Variants in LRP1B observed in about 807,000 individuals in gnomAD.
LRP1B encodes LDL receptor related protein 1B, also known as low-density lipoprotein receptor-related protein 1B.
In LRP1B, 217 loss-of-function variants were observed where a neutral mutation model predicts 556.6. The ratio of observed to expected loss-of-function variants is 0.39; its 90% confidence interval spans 0.35 to 0.44. The LOEUF (loss-of-function observed/expected upper bound fraction) is 0.44. LRP1B is among the 20% of genes least tolerant of loss of function. The probability of loss-of-function intolerance (pLI) is 1.00; values close to 1 mark genes in which losing one functional copy is unlikely to be tolerated. For synonymous variants in LRP1B, 2,047 were observed against 1,865.8 expected, an observed-to-expected ratio of 1.10 and a Z score of -2.50; for missense variants, 5,053 against 5,620.8, an observed-to-expected ratio of 0.90 and a Z score of 3.23.
chr2:140,843,773 G>A (rs1426766533), intron 29 of LRP1B, among the ~76,000 whole-genome samples: 1 of 152,042 alleles, frequency 6.6e-6, no homozygotes, highest in Non-Finnish European at 1.5e-5. Flanking sequence ...TAATTCAATA[G>A]AACCGTACCT....
intron 81 of LRP1B, 54 bp from the exon 82 acceptor site, chr2:140,322,142 CA>C (rs1680173216): frequency 6.6e-7 from 1 of 1,517,294 alleles, no homozygotes; most frequent in African/African-American, 1.4e-5. Flanking sequence ...CAATAGGCTT[CA>C]AAAGCATAAA....
At chr2:140,791,339 G>C (rs1690112762) in intron 32 of LRP1B, among the ~76,000 whole-genome samples, 1 of 152,178 alleles carries the variant, frequency 6.6e-6, no homozygotes, top group East Asian at 1.9e-4. Context: ...TGAGGTGGGA[G>C]AATCACCTGA....
intron 27 of LRP1B, among the ~76,000 whole-genome samples, chr2:140,861,497 A>T (rs1276908032): frequency 6.6e-6 from 1 of 152,222 alleles, no homozygotes; most frequent in Non-Finnish European, 1.5e-5. Flanking sequence ...ATACTAATGT[A>T]GAGAAACAAA....
chr2:140,814,384 C>T (rs1691033312), intron 31 of LRP1B, among the ~76,000 whole-genome samples: 1 of 152,108 alleles, frequency 6.6e-6, no homozygotes, highest in Admixed American at 6.5e-5. Context: ...AATGACAGCT[C>T]CATTTTACAG....
intron 2 of LRP1B, among the ~76,000 whole-genome samples, chr2:141,802,338 A>C (rs368616395): frequency 2.8e-4 from 43 of 152,178 alleles, no homozygotes; most frequent in African/African-American, 1.0e-3. Flanking sequence ...TGAGGTTTGG[A>C]TCCCTCCTAC....
intron 87 of LRP1B, among the ~76,000 whole-genome samples, chr2:140,243,307 C>T (rs1233208936): frequency 6.6e-6 from 1 of 150,584 alleles, no homozygotes; most frequent in Non-Finnish European, 1.5e-5. Flanking sequence ...TAGTGATAAA[C>T]AGGTAAATTA....
At chr2:140,587,720 C>T in intron 43 of LRP1B, among the ~76,000 whole-genome samples, 1 of 152,054 alleles carries the variant, frequency 6.6e-6, no homozygotes, top group Admixed American at 6.6e-5. Context: ...AATCATTCCA[C>T]AATACATACA....
At chr2:142,048,018 C>T (rs1704319293) in intron 1 of LRP1B, among the ~76,000 whole-genome samples, 1 of 152,052 alleles carries the variant, frequency 6.6e-6, no homozygotes, top group Non-Finnish European at 1.5e-5. Context: ...CCGTCTATTA[C>T]TAACATAGTG....
chr2:141,043,889 C>CTGGG (rs1698782781), intron 11 of LRP1B, among the ~76,000 whole-genome samples: 1 of 151,666 alleles, frequency 6.6e-6, no homozygotes, highest in South Asian at 2.1e-4. Flanking sequence ...AAGCTACCAA[C>CTGGG]GCCTTTCTTC....
intron 1 of LRP1B, among the ~76,000 whole-genome samples, chr2:142,069,148 G>T (rs1705220337): frequency 6.6e-6 from 1 of 151,456 alleles, no homozygotes; most frequent in Non-Finnish European, 1.5e-5. Flanking sequence ...ATTTGTGTTT[G>T]TATGCACACA....
intron 1 of LRP1B, among the ~76,000 whole-genome samples, chr2:142,092,012 G>A (rs1706191275): frequency 6.6e-6 from 1 of 152,166 alleles, no homozygotes. Flanking sequence ...CTGCCAGCGG[G>A]TGAAAAACAA....
intron 7 of LRP1B, among the ~76,000 whole-genome samples, chr2:141,149,856 G>T (rs949700736): frequency 6.6e-6 from 1 of 152,182 alleles, no homozygotes; most frequent in East Asian, 1.9e-4. Flanking sequence ...AGTAGTATCT[G>T]TGCTATGTAT....
At chr2:141,998,933 T>C (rs1033764263) in intron 1 of LRP1B, among the ~76,000 whole-genome samples, 3 of 152,192 alleles carry the variant, frequency 2.0e-5, no homozygotes, top group Admixed American at 6.5e-5. Flanking sequence ...GTTAATTCCT[T>C]CCTGGATCAG....
At chr2:141,844,743 A>G (rs1046063128) in intron 1 of LRP1B, among the ~76,000 whole-genome samples, 2 of 152,054 alleles carry the variant, frequency 1.3e-5, no homozygotes, top group African/African-American at 4.8e-5. Flanking sequence ...ATTGTGTCAA[A>G]CTACTATAAA....
chr2:141,799,585 C>A (rs897433777), intron 2 of LRP1B, among the ~76,000 whole-genome samples: 1 of 152,118 alleles, frequency 6.6e-6, no homozygotes, highest in African/African-American at 2.4e-5. Context: ...CACACCCTCT[C>A]GATAAGTCCC....
Position 142,105,211 on chromosome 2 carries a change from C to T in LRP1B, c.82+25437G>A, listed in dbSNP as rs76455925. ...TATCCCCAGATGTCCTGCCAAGGAA[C>T]GTTTCATTTTATTCTAAAAGCAACT... On this transcript the variant is annotated intron_variant, in intron 1 of 90. Transcript: ENST00000389484. Among the ~76,000 whole-genome samples the T allele has an allele frequency of 3.5e-3, 532 of 152,240 alleles. 2 individuals are homozygous for T. Among genetic ancestry groups the T allele is most frequent in the African/African-American group, 0.012 (483 of 41,554 alleles).
chr2:140,473,810 G>A (rs748349773), intron 60 of LRP1B, among the ~76,000 whole-genome samples: 9 of 151,754 alleles, frequency 5.9e-5, no homozygotes, highest in Non-Finnish European at 1.0e-4. Flanking sequence ...TAGTTACATA[G>A]GAAAAATATT....
At chr2:141,766,685 A>T (rs1457830594) in intron 2 of LRP1B, among the ~76,000 whole-genome samples, 1 of 152,158 alleles carries the variant, frequency 6.6e-6, no homozygotes, top group Admixed American at 6.5e-5. Context: ...ACCTGCTTGG[A>T]TGATTACAAG....
intron 35 of LRP1B, among the ~76,000 whole-genome samples, chr2:140,759,333 A>G (rs1688842474): frequency 6.6e-6 from 1 of 152,162 alleles, no homozygotes; most frequent in Admixed American, 6.5e-5. Flanking sequence ...ATTTTTGAAT[A>G]ATCTAGTCTA....
Sources: gnomAD v4.1 joint callset for allele counts (sites outside exome capture counted in the v4.1 genomes callset) on GRCh38, gnomAD v4.1.1 for gene constraint, MANE v1.5 for transcripts, NCBI Gene and HGNC (gene_info 2026-07-23, HGNC 2026-07-21) for gene names.